Variants in ST6GALNAC3 observed in about 807,000 individuals in gnomAD.
ST6GALNAC3 encodes the protein alpha-N-acetylgalactosaminide alpha-2,6-sialyltransferase 3.
Under a neutral mutation model 32.7 loss-of-function variants are expected in ST6GALNAC3, and 25 were observed. That is an observed-to-expected ratio of 0.76 (90% CI 0.56 to 1.07). The LOEUF (loss-of-function observed/expected upper bound fraction) is 1.07. Among genes scored for constraint, ST6GALNAC3 ranks in the 50% least tolerant of loss-of-function variants. The pLI, the probability that ST6GALNAC3 is intolerant of heterozygous loss-of-function variation, is 0.00. For missense variants in ST6GALNAC3, 355 were observed against 382.4 expected (o/e 0.93, Z 0.60); for synonymous variants, 129 against 133.1 (o/e 0.97, Z 0.21).
intron 1 of ST6GALNAC3, among the ~76,000 whole-genome samples, chr1:76,163,654 G>A (rs1460542674): frequency 1.3e-5 from 2 of 152,032 alleles, no homozygotes; most frequent in Admixed American, 6.6e-5. Flanking sequence ...TTTTTTTTCT[G>A]TGTTGGTGAT....
intron 3 of ST6GALNAC3, among the ~76,000 whole-genome samples, chr1:76,580,674 T>G (rs1646879980): frequency 6.6e-6 from 1 of 151,064 alleles, no homozygotes; most frequent in South Asian, 2.1e-4. Context: ...GAATACTTGT[T>G]GAATGTATCA....
intron 1 of ST6GALNAC3, among the ~76,000 whole-genome samples, chr1:76,224,250 C>T (rs1655943664): frequency 6.6e-6 from 1 of 152,172 alleles, no homozygotes; most frequent in African/African-American, 2.4e-5. Flanking sequence ...GAACAAAATG[C>T]TGCTCTTTTA....
intron 2 of ST6GALNAC3, among the ~76,000 whole-genome samples, chr1:76,319,061 A>C (rs1294431363): frequency 1.3e-5 from 2 of 152,192 alleles, no homozygotes; most frequent in African/African-American, 2.4e-5. Context: ...TTACTGCTAG[A>C]TGAAAGGATC....
chr1:76,123,695 A>C (rs1325335847), intron 1 of ST6GALNAC3, among the ~76,000 whole-genome samples: 1 of 151,932 alleles, frequency 6.6e-6, no homozygotes, highest in Non-Finnish European at 1.5e-5. Flanking sequence ...GTAACAAATA[A>C]TAGTAAACAC....
chr1:76,454,384 G>T (rs1280858810), intron 3 of ST6GALNAC3, among the ~76,000 whole-genome samples: 1 of 152,068 alleles, frequency 6.6e-6, no homozygotes, highest in East Asian at 1.9e-4. Context: ...GGTCCTATGA[G>T]ATTTGTACTT....
intron 2 of ST6GALNAC3, among the ~76,000 whole-genome samples, chr1:76,382,687 C>T (rs902354279): frequency 2.6e-5 from 4 of 152,100 alleles, no homozygotes; most frequent in African/African-American, 9.7e-5. Flanking sequence ...TTTGCCACAA[C>T]ATTTTAATAG....
chr1:76,511,450 T>G (rs2101757835), intron 3 of ST6GALNAC3, among the ~76,000 whole-genome samples: 1 of 152,328 alleles, frequency 6.6e-6, no homozygotes, highest in South Asian at 2.1e-4. Context: ...CTCCTGCTGC[T>G]GCTCACATCC....
chr1:76,289,957 G>A (rs1376029245), intron 1 of ST6GALNAC3, among the ~76,000 whole-genome samples: 1 of 152,218 alleles, frequency 6.6e-6, no homozygotes, highest in African/African-American at 2.4e-5. Context: ...TAGATGTGGT[G>A]TGACCTGGGC....
intron 1 of ST6GALNAC3, among the ~76,000 whole-genome samples, chr1:76,238,155 C>T (rs1387983693): frequency 6.6e-6 from 1 of 152,200 alleles, no homozygotes; most frequent in African/African-American, 2.4e-5. Context: ...TCCCAGCCCG[C>T]ACCTTCTACC....
At chr1:76,111,416 G>T (rs1647928047) in intron 1 of ST6GALNAC3, among the ~76,000 whole-genome samples, 1 of 149,350 alleles carries the variant, frequency 6.7e-6, no homozygotes, top group South Asian at 2.1e-4. Context: ...CAGGTGGGAG[G>T]TTCCCAAATG....
At chr1:76,155,030 AT>A (rs973986951) in intron 1 of ST6GALNAC3, among the ~76,000 whole-genome samples, 1 of 151,042 alleles carries the variant, frequency 6.6e-6, no homozygotes, top group Admixed American at 6.6e-5. Context: ...TTTATTTTTT[AT>A]TTTTTTTGCC....
chr1:76,470,097 C>T (rs1452039147), intron 3 of ST6GALNAC3, among the ~76,000 whole-genome samples: 1 of 151,940 alleles, frequency 6.6e-6, no homozygotes, highest in Non-Finnish European at 1.5e-5. Flanking sequence ...CTTTCTGTTC[C>T]CTATTGATAC....
intron 1 of ST6GALNAC3, among the ~76,000 whole-genome samples, chr1:76,191,725 C>T (rs1309047450): frequency 1.3e-5 from 2 of 151,954 alleles, no homozygotes; most frequent in East Asian, 3.9e-4. Flanking sequence ...CCCTGGGGAG[C>T]TAGAGGGCTG....
chr1:76,184,519 G>GCACACACACACA (rs71071992), intron 1 of ST6GALNAC3, among the ~76,000 whole-genome samples: 2,017 of 134,072 alleles, frequency 0.015, 59 homozygotes, highest in East Asian at 0.046. Flanking sequence ...CTCCTGGGCA[G>GCACACACACACA]CACACACACA....
chr1:76,164,946 T>C (rs1652031155), intron 1 of ST6GALNAC3, among the ~76,000 whole-genome samples: 1 of 152,200 alleles, frequency 6.6e-6, no homozygotes, highest in Admixed American at 6.5e-5. Flanking sequence ...TGTGTGTGTT[T>C]TTAAGATTTA....
intron 1 of ST6GALNAC3, among the ~76,000 whole-genome samples, chr1:76,243,353 G>C (rs530516613): frequency 6.6e-6 from 1 of 152,112 alleles, no homozygotes; most frequent in African/African-American, 2.4e-5. Context: ...CTGGATATTA[G>C]CCCTTTGTCA....
Position 76,555,936 on chromosome 1 carries a change from T to C in ST6GALNAC3, c.624-71516T>C, listed in dbSNP as rs11162177. Among the ~76,000 whole-genome samples the C allele has an allele frequency of 4.5e-3, 682 of 152,222 alleles. 6 individuals carry two copies. The highest frequency in any genetic ancestry group is 0.015 in the African/African-American group (635 of 41,554). Reference sequence around the variant, plus strand: ...TTAAGGCATATGATACTGTGTTTTTTAGTGTATTCAGAGTTGTGCAACCAT... The same window carrying C: ...TTAAGGCATATGATACTGTGTTTTTCAGTGTATTCAGAGTTGTGCAACCAT... On this transcript the variant is annotated intron_variant, in intron 3 of 4. Transcript: ENST00000328299.
chr1:76,108,393 A>G (rs544377087), intron 1 of ST6GALNAC3, among the ~76,000 whole-genome samples: 1 of 152,310 alleles, frequency 6.6e-6, no homozygotes, highest in South Asian at 2.1e-4. Flanking sequence ...AGATCCTTTG[A>G]AGCCCATCTG....
intron 1 of ST6GALNAC3, among the ~76,000 whole-genome samples, chr1:76,135,858 G>A (rs1649914971): frequency 6.6e-6 from 1 of 152,192 alleles, no homozygotes; most frequent in Non-Finnish European, 1.5e-5. Context: ...GATTCCAGGA[G>A]TCATATGTGT....
Sources: gnomAD v4.1 joint callset for allele counts (sites outside exome capture counted in the v4.1 genomes callset) on GRCh38, gnomAD v4.1.1 for gene constraint, MANE v1.5 for transcripts, NCBI Gene and HGNC (gene_info 2026-07-23, HGNC 2026-07-21) for gene names.